Variants in RNASEL observed in about 807,000 individuals in gnomAD.
The protein encoded by RNASEL is 2-5A-dependent ribonuclease.
RNASEL carries 36 observed loss-of-function variants against 50.9 expected under a neutral mutation model. The ratio of observed to expected loss-of-function variants is 0.71; its 90% confidence interval spans 0.54 to 0.93. The LOEUF (loss-of-function observed/expected upper bound fraction) is 0.93. Ranked by LOEUF, RNASEL falls within the 40% of genes least tolerant of loss-of-function variation. The pLI is 0.00. For missense variants in RNASEL, 860 were observed against 894.5 expected, an observed-to-expected ratio of 0.96 and a Z score of 0.49; for synonymous variants, 335 against 335.6, an observed-to-expected ratio of 1.00 and a Z score of 0.02.
Position 182,586,256 on chromosome 1 carries a change from A to G in RNASEL, c.551T>C (p.Leu184Ser), listed in dbSNP as rs182539049. ...DAAEKGHVEV[L>S]KILLDEMGAD... ...CCCCATCTCATCAAGGAGAATCTTC[A>G]AGACCTCTACGTGTCCTTTTTCAGC... is the stretch of plus-strand genomic sequence containing the variant. Residue 184 changes from leucine to serine, a missense_variant, in exon 2 of 7, where the codon TTG becomes TCG. Transcript: ENST00000367559. 4.0e-5 allele frequency: 64 copies of G among 1,614,154 alleles called. No homozygotes were observed. In the Admixed American group the frequency reaches 1.0e-3, roughly 26 times the overall value.
intron 5 of RNASEL, chr1:182,579,471 C>T: frequency 9.9e-7 from 1 of 1,013,368 alleles, no homozygotes; most frequent in Non-Finnish European, 1.2e-6. Context: ...CTGAGACTGG[C>T]CAGGTGCACT....
intron 5 of RNASEL, chr1:182,580,020 G>A (rs562924700): frequency 1.5e-4 from 68 of 455,848 alleles, no homozygotes; most frequent in Admixed American, 1.2e-3. Flanking sequence ...GCAAAATATA[G>A]ATGATTGTCT....
At chr1:182,580,893 TCA>T (rs1661480189) in intron 5 of RNASEL, among the ~76,000 whole-genome samples, 2 of 152,174 alleles carry the variant, frequency 1.3e-5, no homozygotes, top group Non-Finnish European at 2.9e-5. Context: ...CTCTATTTAG[TCA>T]GCTGCTCGTG....
chr1:182,575,966 A>T (rs1276540660), intron 6 of RNASEL, among the ~76,000 whole-genome samples: 1 of 152,222 alleles, frequency 6.6e-6, no homozygotes, highest in Non-Finnish European at 1.5e-5. Context: ...CACTTTATCT[A>T]GCTGTCCAGT....
chr1:182,584,734 A>G (rs1373048051), intron 2 of RNASEL, among the ~76,000 whole-genome samples: 1 of 152,184 alleles, frequency 6.6e-6, no homozygotes, highest in Admixed American at 6.5e-5. Context: ...AACTAGTGAG[A>G]CTAGGCTTCA....
intron 1 of RNASEL, among the ~76,000 whole-genome samples, chr1:182,588,535 C>T (rs1367115571): frequency 6.6e-6 from 1 of 152,196 alleles, no homozygotes; most frequent in Non-Finnish European, 1.5e-5. Context: ...CTGAGAATTA[C>T]AGATCCAGTT....
Position 182,586,340 on chromosome 1 carries a change from T to G in RNASEL, c.467A>C (p.Lys156Thr). 2 of 1,614,210 alleles carry G rather than the reference T, an allele frequency of 1.2e-6. No homozygotes were observed. The highest frequency in any genetic ancestry group is 1.7e-6 in the Non-Finnish European group (2 of 1,180,030). The change falls in exon 2 of 7, where the codon AAG (lysine) becomes ACG (threonine). Residue 156 changes from lysine (K) to threonine (T), a missense_variant. Coordinates refer to ENST00000367559, the MANE Select transcript of RNASEL (RefSeq NM_021133.4). The part of the protein sequence containing the change: ...KRGANVNLRR[K>T]TKEDQERLRK... ...CAGCCGCTCTTGATCCTCCTTTGTC[T>G]TTCGCCTCAAATTCACATTTGCTCC... is the stretch of plus-strand genomic sequence containing the variant.
intron 6 of RNASEL, 112 bp from the exon 7 acceptor site, chr1:182,575,690 A>G (rs765995575): frequency 2.0e-5 from 28 of 1,387,758 alleles, no homozygotes; most frequent in Non-Finnish European, 2.5e-5. Flanking sequence ...TGCAGAATGA[A>G]TAAGGACTTT....
chr1:182,584,467 A>C (rs1210753043), intron 2 of RNASEL, among the ~76,000 whole-genome samples: 1 of 152,202 alleles, frequency 6.6e-6, no homozygotes, highest in Non-Finnish European at 1.5e-5. Context: ...AGGGGCCGAA[A>C]GCACAGATTT....
At chr1:182,584,220 G>C in intron 2 of RNASEL, 54 bp from the exon 3 acceptor site, 1 of 1,126,052 alleles carries the variant, frequency 8.9e-7, no homozygotes, top group Non-Finnish European at 1.4e-6. Context: ...CATAAAGTGA[G>C]AGTCAATTGA....
chr1:182,585,351 G>T lies in RNASEL; in HGVS notation c.1456C>A (p.Leu486Met). The change falls in exon 2 of 7, where the codon CTG (leucine) becomes ATG (methionine). Residue 486 changes from leucine (L) to methionine (M), a missense_variant. Physicochemically the swap from Leu to Met is conservative, Grantham distance 15. Coordinates refer to ENST00000367559, the MANE Select transcript of RNASEL (RefSeq NM_021133.4). ...HLSCGYTHQD[L>M]QPQNILIDSK... is the part of the protein sequence containing the mutation. Reference sequence around the variant, plus strand: ...CCTATTAAGATGTTTTGTGGTTGCAGATCCTGGTGGGTGTATCCACAGGAC... The same window carrying T: ...CCTATTAAGATGTTTTGTGGTTGCATATCCTGGTGGGTGTATCCACAGGAC... The T allele has an allele frequency of 6.2e-7, 1 of 1,614,114 alleles. No individual in the cohort carries two copies. Among genetic ancestry groups the T allele is most frequent in the Non-Finnish European group, 8.5e-7 (1 of 1,179,954 alleles).
rs1661334001 is a variant in RNASEL, at chr1:182,573,697, G to C, written c.*1695C>G. On this transcript the variant is annotated 3_prime_UTR_variant, in exon 7 of 7. Coordinates refer to ENST00000367559, the MANE Select transcript of RNASEL (RefSeq NM_021133.4). ...TGGGCATTTTAATTGACATGTCCAG[G>C]TGCTCATTACAAATCAGAGAACCAA... 5.5e-6 allele frequency: 1 copy of C among 181,410 alleles called. No individual in the cohort carries two copies. The highest frequency in any genetic ancestry group is 1.2e-5 in the Non-Finnish European group (1 of 84,990). The allele number at this position is 181,410 out of a possible 1,614,324, so 11.2% of individuals were successfully genotyped here.
rs758049167 is a variant in RNASEL, at chr1:182,582,269, G to A, written c.1567-11C>T. On this transcript the variant is annotated splice_polypyrimidine_tract_variant and intron_variant, in intron 3 of 6. Transcript: ENST00000367559. ...CAGCCGTCCAAGGTCCTGCACAAAAGCCATAAATCAAGCCAAAGATGCTTA... is the reference window on the plus strand; with the variant it reads ...CAGCCGTCCAAGGTCCTGCACAAAAACCATAAATCAAGCCAAAGATGCTTA... 18 of 1,614,094 alleles carry A rather than the reference G, an allele frequency of 1.1e-5. No individual in the cohort carries two copies. The highest frequency in any genetic ancestry group is 1.5e-5 in the Non-Finnish European group (18 of 1,179,946).
chr1:182,574,977 G>C lies in RNASEL; in HGVS notation c.*415C>G, dbSNP rs542262251. On this transcript the variant is annotated 3_prime_UTR_variant, in exon 7 of 7. Transcript: ENST00000367559. ...ACCACATAAATTTATAAAGTGCTAG[G>C]TATAAATTGAATAATCTTGGGCCAG... is the stretch of plus-strand genomic sequence containing the variant. 2.4e-4 allele frequency: 73 copies of C among 303,668 alleles called. No homozygotes were observed. In the South Asian group the frequency reaches 4.7e-3, roughly 20 times the overall value. The allele number at this position is 303,668 out of a possible 1,614,324, so 18.8% of individuals were successfully genotyped here.
rs2102371828 is a variant in RNASEL at position 182,586,385 on chromosome 1, A to G, written c.422T>C (p.Leu141Pro). The change falls in exon 2 of 7, where the codon CTA (leucine) becomes CCA (proline). Residue 141 changes from leucine to proline, a missense_variant. Leu to Pro is a moderately conservative substitution (Grantham distance 98). Coordinates refer to ENST00000367559, the MANE Select transcript of RNASEL (RefSeq NM_021133.4). ...TGCTCCTCTCTTATAAAGGAATTTT[A>G]GGGCTTTGACCTTACCATACACAGC... is the stretch of plus-strand genomic sequence containing the variant. ...EAAVYGKVKA[L>P]KFLYKRGANV... 6.2e-7 allele frequency: 1 copy of G among 1,614,172 alleles called. No homozygotes were observed. Among genetic ancestry groups the G allele is most frequent in the Non-Finnish European group, 8.5e-7 (1 of 1,180,036 alleles).
intron 1 of RNASEL, among the ~76,000 whole-genome samples, chr1:182,587,273 C>T (rs1404712669): frequency 2.0e-5 from 3 of 151,980 alleles, no homozygotes; most frequent in African/African-American, 7.3e-5. Context: ...TACTATAAGT[C>T]ATTTCCTGTG....
In RNASEL at chr1:182,585,715, A is replaced by G. The variant is rs1273907390; in HGVS notation, c.1092T>C (p.Phe364=). 2 of 1,614,072 alleles carry G rather than the reference A, an allele frequency of 1.2e-6. No individual in the cohort carries two copies. Among genetic ancestry groups the G allele is most frequent in the Middle Eastern group, 1.6e-4 (1 of 6,062 alleles). ...YRPMIGKLKF[F]IDEKYKIADT... is the part of the protein sequence containing the mutation. ...CAGCAATTTTGTATTTTTCATCAAT[A>G]AAGAACTTGAGTTTGCCAATCATAG... Residue 364 remains phenylalanine, a synonymous_variant, in exon 2 of 7, where the codon TTT becomes TTC. Coordinates refer to ENST00000367559, the MANE Select transcript of RNASEL (RefSeq NM_021133.4).
chr1:182,583,994 A>T, intron 3 of RNASEL, 87 bp downstream of exon 3: 1 of 911,906 alleles, frequency 1.1e-6, no homozygotes, highest in Non-Finnish European at 1.8e-6. Context: ...ATGTCCTACT[A>T]GTTCTGTCCC....
chr1:182,576,098 G>A (rs182287096), intron 6 of RNASEL, among the ~76,000 whole-genome samples, 158 bp downstream of exon 6: 1 of 152,272 alleles, frequency 6.6e-6, no homozygotes, highest in East Asian at 1.9e-4. Context: ...TTAATTGTAA[G>A]GCAACAGTGA....
Sources: allele counts gnomAD v4.1 joint callset (sites outside exome capture counted in the v4.1 genomes callset), GRCh38; gene constraint gnomAD v4.1.1; transcripts MANE v1.5; gene names NCBI Gene and HGNC (gene_info 2026-07-23, HGNC 2026-07-21).